Variants in ABCG2 observed in about 807,000 individuals in gnomAD.
ABCG2 encodes ATP binding cassette subfamily G member 2 (JR blood group).
Under a neutral mutation model 73.5 loss-of-function variants are expected in ABCG2, and 80 were observed. The observed-to-expected ratio is 1.09, with a 90% CI of 0.91 to 1.31. ABCG2 has a LOEUF of 1.31. Among genes scored for constraint, ABCG2 ranks in the 50% most tolerant of loss-of-function variants. The pLI is 0.00. For missense variants in ABCG2, 796 were observed against 786.2 expected, an observed-to-expected ratio of 1.01 and a Z score of -0.15; for synonymous variants, 269 against 282.4, an observed-to-expected ratio of 0.95 and a Z score of 0.48.
chr4:88,092,226 G>T lies in ABCG2; in HGVS notation c.*8C>A. ...GTGAGGATAAATCATACTGAATTAA[G>T]GGGAAATTTAAGAATATTTTTTAAG... On this transcript the variant is annotated 3_prime_UTR_variant, in exon 16 of 16. Transcript: ENST00000237612. 1 of 1,597,730 alleles carries T rather than the reference G, an allele frequency of 6.3e-7. No individual in the cohort carries two copies. The highest frequency in any genetic ancestry group is 1.1e-5 in the South Asian group (1 of 88,904).
intron 10 of ABCG2, 90 bp downstream of exon 10, chr4:88,107,094 A>T: frequency 1.0e-6 from 1 of 963,660 alleles, no homozygotes; most frequent in African/African-American, 1.6e-5. Flanking sequence ...TTTACACTAT[A>T]CTTGTCTTAA....
chr4:88,169,688 T>C (rs569396610), intron 1 of ABCG2, among the ~76,000 whole-genome samples: 1 of 152,228 alleles, frequency 6.6e-6, no homozygotes, highest in South Asian at 2.1e-4. Context: ...AAGATCAATA[T>C]TGTAGAAGAA....
At chr4:88,120,847 T>C (rs199520547) in intron 6 of ABCG2, among the ~76,000 whole-genome samples, 7 of 152,090 alleles carry the variant, frequency 4.6e-5, no homozygotes, top group East Asian at 1.9e-4. Context: ...GGTTTTAAAA[T>C]GTGAGGACAT....
At chr4:88,122,553 C>A (rs558268811) in intron 5 of ABCG2, among the ~76,000 whole-genome samples, 2 of 152,158 alleles carry the variant, frequency 1.3e-5, no homozygotes, top group African/African-American at 4.8e-5. Flanking sequence ...CTGGGAAATT[C>A]GAACTGGGTA....
chr4:88,159,024 ACACGTGTCCTG>A (rs1560727040), upstream of ABCG2: 3 of 393,520 alleles, frequency 7.6e-6, no homozygotes, highest in Non-Finnish European at 1.5e-5. Context: ...CTGAAAGCGC[ACACGTGTCCTG>A]CCGCGCTGAG....
At chr4:88,176,882 T>C (rs998651902) in intron 1 of ABCG2, among the ~76,000 whole-genome samples, 2 of 152,082 alleles carry the variant, frequency 1.3e-5, no homozygotes, top group Non-Finnish European at 2.9e-5. Context: ...CCTGAAGTGA[T>C]AGTATTTCTC....
At chr4:88,148,850 T>C (rs1297500270) in intron 1 of ABCG2, among the ~76,000 whole-genome samples, 1 of 152,162 alleles carries the variant, frequency 6.6e-6, no homozygotes, top group Non-Finnish European at 1.5e-5. Context: ...AGACAGATCA[T>C]TCATGTTAAC....
At chr4:88,221,132 G>A (rs538291189) in intron 1 of ABCG2, among the ~76,000 whole-genome samples, 42 of 152,266 alleles carry the variant, frequency 2.8e-4, no homozygotes, top group Admixed American at 9.2e-4. Context: ...AGACAGGTGT[G>A]TTAGTGTGGA....
Position 88,121,723 on chromosome 4 carries a change from T to G in ABCG2, c.601A>C (p.Ile201Leu). 1 of 1,614,078 alleles carries G rather than the reference T, an allele frequency of 6.2e-7. No homozygotes were observed. The highest frequency in any genetic ancestry group is 8.5e-7 in the Non-Finnish European group (1 of 1,179,936). ...RKRTSIGMEL[I>L]TDPSILFLDE... The stretch of plus-strand genomic sequence containing the variant: ...AAGAACAAGATGGAAGGATCAGTGA[T>G]AAGCTCCATTCCTATACTAGTCCTT... Residue 201 changes from isoleucine to leucine, a missense_variant, in exon 6 of 16, where the codon ATC (isoleucine) becomes CTC (leucine). Coordinates refer to ENST00000237612, the MANE Select transcript of ABCG2 (RefSeq NM_004827.3).
chr4:88,156,487 A>T (rs1726955387), intron 1 of ABCG2, among the ~76,000 whole-genome samples: 1 of 152,186 alleles, frequency 6.6e-6, no homozygotes, highest in South Asian at 2.1e-4. Context: ...TTGAGCAGCA[A>T]ATTAAATACT....
chr4:88,188,656 T>C (rs1434579635), intron 1 of ABCG2, among the ~76,000 whole-genome samples: 2 of 152,080 alleles, frequency 1.3e-5, no homozygotes, highest in African/African-American at 2.4e-5. Flanking sequence ...AAAATGGCCT[T>C]AGGAGCTAGA....
At position 88,121,794 on chromosome 4, in the gene ABCG2, T is replaced by C. The variant is rs531831004; in HGVS notation, c.532-2A>G. Reference sequence around the variant, plus strand: ...ACCACGGATAAACTGAGTTCCAACCTAAATCACAAATATTATAATTGTCAA... The same window carrying C: ...ACCACGGATAAACTGAGTTCCAACCCAAATCACAAATATTATAATTGTCAA... On this transcript the variant is annotated splice_acceptor_variant, in intron 5 of 15. Coordinates refer to ENST00000237612, the MANE Select transcript of ABCG2 (RefSeq NM_004827.3). LOFTEE classifies it high-confidence loss of function. 1.3e-4 allele frequency: 215 copies of C among 1,611,756 alleles called. 6 individuals are homozygous for C. In the South Asian group the frequency reaches 2.3e-3, roughly 17 times the overall value.
chr4:88,142,937 T>C (rs1421626743), intron 1 of ABCG2, among the ~76,000 whole-genome samples: 1 of 152,078 alleles, frequency 6.6e-6, no homozygotes, highest in East Asian at 1.9e-4. Flanking sequence ...AACAGAGTAA[T>C]ACCCCATCTC....
At position 88,097,640 on chromosome 4, in the gene ABCG2, AC is replaced by A. The variant is rs905907589; in HGVS notation, c.1493-34del. 3 of 1,609,094 alleles carry A rather than the reference AC, an allele frequency of 1.9e-6. No individual in the cohort carries two copies. The African/African-American group carries it at 4.0e-5, about 22-fold the overall frequency. On this transcript the variant is annotated intron_variant, in intron 12 of 15. Coordinates refer to ENST00000237612, the MANE Select transcript of ABCG2 (RefSeq NM_004827.3). Reference sequence around the variant, plus strand: ...AGAAAGAGAAGAAGTAGTTAACCCAACTGCCTAGGTCACCGTATGTTTGGGA... The same window carrying A: ...AGAAAGAGAAGAAGTAGTTAACCCAATGCCTAGGTCACCGTATGTTTGGGA...
intron 1 of ABCG2, among the ~76,000 whole-genome samples, chr4:88,156,436 G>A (rs376228229): frequency 2.0e-5 from 3 of 150,268 alleles, no homozygotes; most frequent in African/African-American, 7.3e-5. Context: ...TGGCACAGGC[G>A]CCAACCTGAA....
chr4:88,124,194 AG>A (rs1444896930), intron 5 of ABCG2, among the ~76,000 whole-genome samples: 1 of 152,250 alleles, frequency 6.6e-6, no homozygotes, highest in Non-Finnish European at 1.5e-5. Context: ...AACTGGTACC[AG>A]TGACTGCAAA....
intron 1 of ABCG2, among the ~76,000 whole-genome samples, chr4:88,181,376 G>C (rs1256174471): frequency 8.0e-6 from 1 of 125,188 alleles, no homozygotes; most frequent in Non-Finnish European, 1.6e-5. Flanking sequence ...CTCCAGCCTG[G>C]TGACAGAGCA....
intron 1 of ABCG2, among the ~76,000 whole-genome samples, chr4:88,168,075 G>T (rs1479160633): frequency 6.6e-6 from 1 of 151,982 alleles, no homozygotes; most frequent in Non-Finnish European, 1.5e-5. Flanking sequence ...CATCGGGGAG[G>T]GGGCAGGGGA....
At chr4:88,137,764 G>A (rs1438673283) in intron 2 of ABCG2, among the ~76,000 whole-genome samples, 1 of 152,148 alleles carries the variant, frequency 6.6e-6, no homozygotes, top group Non-Finnish European at 1.5e-5. Context: ...AAACAGTAAT[G>A]ACCATGGGAA....
Sources: allele counts gnomAD v4.1 joint callset (sites outside exome capture counted in the v4.1 genomes callset), GRCh38; gene constraint gnomAD v4.1.1; transcripts MANE v1.5; gene names NCBI Gene and HGNC (gene_info 2026-07-23, HGNC 2026-07-21).